Variants in ATF7IP observed in about 807,000 individuals in gnomAD.
The protein encoded by ATF7IP is activating transcription factor 7 interacting protein.
A neutral mutation model predicts 106.4 loss-of-function variants in ATF7IP; 23 were observed. That is an observed-to-expected ratio of 0.22 (90% CI 0.16 to 0.31). The LOEUF is 0.31. ATF7IP is among the 10% of genes least tolerant of loss of function. The pLI, the probability that ATF7IP is intolerant of heterozygous loss-of-function variation, is 1.00. For missense variants in ATF7IP, 1,334 were observed against 1,524.3 expected, an observed-to-expected ratio of 0.88 and a Z score of 2.08; for synonymous variants, 542 against 539.0, an observed-to-expected ratio of 1.01 and a Z score of -0.08.
chr12:14,447,131 C>G, intron 6 of ATF7IP, 78 bp downstream of exon 6: 2 of 1,170,698 alleles, frequency 1.7e-6, no homozygotes, highest in Non-Finnish European at 2.4e-6. Flanking sequence ...TAGGAGGAAA[C>G]TGTATTACAA....
intron 13 of ATF7IP, among the ~76,000 whole-genome samples, chr12:14,492,897 C>G (rs1417208423): frequency 6.6e-6 from 1 of 152,182 alleles, no homozygotes; most frequent in Admixed American, 6.5e-5. Flanking sequence ...TCAGGTGCTG[C>G]CCTCACAAAT....
intron 1 of ATF7IP, among the ~76,000 whole-genome samples, chr12:14,404,617 T>G (rs1215308151): frequency 6.6e-6 from 1 of 152,166 alleles, no homozygotes; most frequent in African/African-American, 2.4e-5. Context: ...GTATATTTGG[T>G]TTTTTTGCAT....
chr12:14,447,779 G>A (rs1943040913), intron 6 of ATF7IP, among the ~76,000 whole-genome samples: 1 of 152,014 alleles, frequency 6.6e-6, no homozygotes, highest in Admixed American at 6.5e-5. Context: ...TCCCCATGTA[G>A]TCAGTCCTCT....
chr12:14,373,478 G>A (rs1399101648), intron 1 of ATF7IP, among the ~76,000 whole-genome samples: 1 of 152,182 alleles, frequency 6.6e-6, no homozygotes, highest in Non-Finnish European at 1.5e-5. Flanking sequence ...TTGAGAGCAT[G>A]ATATGGAAGT....
intron 1 of ATF7IP, among the ~76,000 whole-genome samples, chr12:14,417,691 A>G (rs1227344653): frequency 1.3e-5 from 2 of 152,194 alleles, no homozygotes; most frequent in East Asian, 3.8e-4. Flanking sequence ...AAATAGCATA[A>G]AAGATGTAAA....
chr12:14,496,181 T>C (rs540733726), intron 13 of ATF7IP, 50 bp from the exon 14 acceptor site: 1 of 1,207,904 alleles, frequency 8.3e-7, no homozygotes, highest in Non-Finnish European at 1.2e-6. Flanking sequence ...TTCCACCAAA[T>C]TTACAATAGA....
At chr12:14,469,103 G>T (rs1293741018) in intron 10 of ATF7IP, among the ~76,000 whole-genome samples, 1 of 152,110 alleles carries the variant, frequency 6.6e-6, no homozygotes, top group African/African-American at 2.4e-5. Context: ...AGGTGCAGTG[G>T]CTTACACCTA....
At chr12:14,444,396 CAG>C (rs1942853721) in intron 5 of ATF7IP, among the ~76,000 whole-genome samples, 1 of 151,730 alleles carries the variant, frequency 6.6e-6, no homozygotes, top group South Asian at 2.1e-4. Flanking sequence ...TTTTTGTAGA[CAG>C]AGTTATTTCC....
At chr12:14,383,433 C>G (rs1939080471) in intron 1 of ATF7IP, among the ~76,000 whole-genome samples, 1 of 152,174 alleles carries the variant, frequency 6.6e-6, no homozygotes, top group Admixed American at 6.5e-5. Context: ...TTAGGCAGCT[C>G]TGAATATTTT....
At chr12:14,435,082 T>G (rs181805836) in intron 3 of ATF7IP, among the ~76,000 whole-genome samples, 1 of 148,642 alleles carries the variant, frequency 6.7e-6, no homozygotes, top group Non-Finnish European at 1.5e-5. Flanking sequence ...AGTGACACCT[T>G]GAGAGAGAGA....
At chr12:14,493,093 T>C (rs1242009120) in intron 13 of ATF7IP, among the ~76,000 whole-genome samples, 1 of 152,168 alleles carries the variant, frequency 6.6e-6, no homozygotes, top group Non-Finnish European at 1.5e-5. Flanking sequence ...TTAATCCTTA[T>C]TTCAACTAAC....
chr12:14,413,729 A>C (rs990914034), intron 1 of ATF7IP, among the ~76,000 whole-genome samples: 1 of 152,198 alleles, frequency 6.6e-6, no homozygotes, highest in African/African-American at 2.4e-5. Flanking sequence ...ATTCCTCGAT[A>C]AGCATCAGTT....
chr12:14,496,437 AG>A (rs1214606635), intron 14 of ATF7IP, 94 bp downstream of exon 14: 3 of 788,536 alleles, frequency 3.8e-6, no homozygotes, highest in South Asian at 1.7e-5. Context: ...GTTATATCCA[AG>A]GGAAGTGTTA....
chr12:14,445,958 T>C (rs1942936495), intron 5 of ATF7IP, among the ~76,000 whole-genome samples: 1 of 152,188 alleles, frequency 6.6e-6, no homozygotes, highest in Non-Finnish European at 1.5e-5. Context: ...TGAAAGGAGA[T>C]ACTACCAAAT....
At chr12:14,494,284 AATATAT>A (rs747194414) in intron 13 of ATF7IP, among the ~76,000 whole-genome samples, 6,025 of 53,598 alleles carry the variant, frequency 0.11, 481 homozygotes, top group Middle Eastern at 0.21. Context: ...GAGCTAATAG[AATATAT>A]ATATATATAT....
chr12:14,437,970 G>A (rs988111538), intron 4 of ATF7IP, among the ~76,000 whole-genome samples, 160 bp from the exon 5 acceptor site: 3 of 151,916 alleles, frequency 2.0e-5, no homozygotes, highest in African/African-American at 4.8e-5. Context: ...GGAGAATGGC[G>A]TGAACCCGGG....
At chr12:14,399,253 T>C (rs1254079611) in intron 1 of ATF7IP, among the ~76,000 whole-genome samples, 2 of 152,192 alleles carry the variant, frequency 1.3e-5, no homozygotes, top group East Asian at 1.9e-4. Flanking sequence ...GTAATATATT[T>C]ATTTCCTCAC....
At chr12:14,483,062 T>C (rs564722396) in intron 13 of ATF7IP, among the ~76,000 whole-genome samples, 1 of 152,372 alleles carries the variant, frequency 6.6e-6, no homozygotes, top group Admixed American at 6.5e-5. Flanking sequence ...GAAATACTCA[T>C]GACAATTACA....
At chr12:14,427,571 G>A (rs945431016) in intron 2 of ATF7IP, among the ~76,000 whole-genome samples, 3 of 151,988 alleles carry the variant, frequency 2.0e-5, no homozygotes, top group Non-Finnish European at 4.4e-5. Context: ...TCATCATGTT[G>A]GTCAGGCTGG....
Sources: gnomAD v4.1 joint callset for allele counts (sites outside exome capture counted in the v4.1 genomes callset) on GRCh38, gnomAD v4.1.1 for gene constraint, MANE v1.5 for transcripts, NCBI Gene and HGNC (gene_info 2026-07-23, HGNC 2026-07-21) for gene names.